Variants in GRIN2A observed in about 807,000 individuals in gnomAD.
GRIN2A encodes glutamate receptor ionotropic, NMDA 2A.
A neutral mutation model predicts 113.4 loss-of-function variants in GRIN2A; 22 were observed. That is an observed-to-expected ratio of 0.19 (90% CI 0.14 to 0.28). The LOEUF (loss-of-function observed/expected upper bound fraction) is 0.28, where lower values mean the gene tolerates loss of function less well. Among genes scored for constraint, GRIN2A ranks in the 10% least tolerant of loss-of-function variants. The probability of loss-of-function intolerance (pLI) is 1.00; values close to 1 mark genes in which losing one functional copy is unlikely to be tolerated. For missense variants in GRIN2A, 1,502 were observed against 1,887.0 expected (o/e 0.80, Z 3.78); for synonymous variants, 827 against 738.4 (o/e 1.12, Z -1.94).
Position 10,036,460 on chromosome 16 carries a change from T to C in GRIN2A, c.415-97909A>G, listed in dbSNP as rs1209410651. 7.0e-3 allele frequency among the ~76,000 whole-genome samples: 478 copies of C among 68,016 alleles called. 12 individuals are homozygous for C. Among genetic ancestry groups the C allele is most frequent in the African/African-American group, 0.027 (449 of 16,676 alleles). 44.6% of individuals were successfully genotyped at this position (68,016 alleles called of 152,430 possible). A position where few individuals can be genotyped will look rare whatever the true frequency, so the allele number is the denominator to read the frequency against. On this transcript the variant is annotated intron_variant, in intron 2 of 12. Transcript: ENST00000330684. ...TACTTTTTTTTTTTCTTTTTTTTTT[T>C]TTTTTTTTTTTTTTTTGAGATGGAT...
At chr16:10,071,695 A>G (rs1441959545) in intron 2 of GRIN2A, among the ~76,000 whole-genome samples, 1 of 152,102 alleles carries the variant, frequency 6.6e-6, no homozygotes, top group Non-Finnish European at 1.5e-5. Context: ...TACTCTTGAG[A>G]GCATTTTGGG....
intron 3 of GRIN2A, among the ~76,000 whole-genome samples, chr16:9,901,862 G>C (rs2043933225): frequency 6.6e-6 from 1 of 152,180 alleles, no homozygotes; most frequent in African/African-American, 2.4e-5. Context: ...TTCAAATCAG[G>C]AGACCTAGAA....
intron 2 of GRIN2A, among the ~76,000 whole-genome samples, chr16:10,115,838 T>C (rs1368317268): frequency 6.6e-6 from 1 of 152,164 alleles, no homozygotes; most frequent in African/African-American, 2.4e-5. Flanking sequence ...GTTTTAAGAA[T>C]GACCAGAAAT....
chr16:10,169,404 G>C (rs1596574609), intron 2 of GRIN2A, among the ~76,000 whole-genome samples: 1 of 152,178 alleles, frequency 6.6e-6, no homozygotes, highest in Non-Finnish European at 1.5e-5. Context: ...TCTCAGAGAG[G>C]AATCCTGGAT....
chr16:10,180,232 C>T lies in GRIN2A; in HGVS notation c.180G>A (p.Ala60=), dbSNP rs2050235807. Residue 60 remains alanine (A), a synonymous_variant, in exon 2 of 13, where the codon GCG becomes GCA. Transcript: ENST00000330684. This position sits in a 1 kb window ranked among gnomAD's most constrained non-coding sequence, Gnocchi z 7.0. The part of the protein sequence containing the change: ...ELRTLWGPEQ[A]AGLPLDVNVV... ...CGTTCACGTCCAGGGGCAGCCCCGCCGCCTGCTCGGGGCCCCACAGTGTTC... is the reference window on the plus strand; with the variant it reads ...CGTTCACGTCCAGGGGCAGCCCCGCTGCCTGCTCGGGGCCCCACAGTGTTC... The T allele has an allele frequency of 6.2e-7, 1 of 1,614,074 alleles. No homozygotes were observed. Among genetic ancestry groups the T allele is most frequent in the Non-Finnish European group, 8.5e-7 (1 of 1,180,024 alleles).
At chr16:9,867,076 T>G (rs1267726311) in intron 4 of GRIN2A, among the ~76,000 whole-genome samples, 1 of 152,136 alleles carries the variant, frequency 6.6e-6, no homozygotes, top group Non-Finnish European at 1.5e-5. Flanking sequence ...ATCCATAACA[T>G]TAACAGATTT....
chr16:9,917,111 G>A (rs756875773), intron 3 of GRIN2A, among the ~76,000 whole-genome samples: 8 of 152,100 alleles, frequency 5.3e-5, no homozygotes, highest in Non-Finnish European at 7.4e-5. Context: ...ACTTTTCTCC[G>A]GCTCTTTTCA....
chr16:9,920,266 A>G (rs2044334079), intron 3 of GRIN2A, among the ~76,000 whole-genome samples: 1 of 152,242 alleles, frequency 6.6e-6, no homozygotes, highest in African/African-American at 2.4e-5. Context: ...AACGAATGAA[A>G]GAATTCCAGG....
At chr16:10,091,844 C>A (rs1231404386) in intron 2 of GRIN2A, among the ~76,000 whole-genome samples, 1 of 152,126 alleles carries the variant, frequency 6.6e-6, no homozygotes, top group African/African-American at 2.4e-5. Flanking sequence ...GAAAGTGGAT[C>A]AGTGCTTGCT....
intron 2 of GRIN2A, among the ~76,000 whole-genome samples, chr16:10,027,248 C>T (rs898097138): frequency 2.0e-5 from 3 of 152,150 alleles, no homozygotes; most frequent in African/African-American, 7.2e-5. Context: ...AAAGGAGTTG[C>T]CCATATTACA....
chr16:9,851,618 G>T (rs1202604875), intron 4 of GRIN2A, among the ~76,000 whole-genome samples: 1 of 152,090 alleles, frequency 6.6e-6, no homozygotes, highest in Non-Finnish European at 1.5e-5. Flanking sequence ...CTTTCCATTT[G>T]CCTTGGAAGA....
At chr16:9,802,571 T>TAAGA (rs1903428607) in intron 10 of GRIN2A, among the ~76,000 whole-genome samples, 1 of 152,176 alleles carries the variant, frequency 6.6e-6, no homozygotes, top group Admixed American at 6.5e-5. Flanking sequence ...CACTGAGGCC[T>TAAGA]CACAACTGTC....
At chr16:10,044,442 T>G (rs2047224953) in intron 2 of GRIN2A, among the ~76,000 whole-genome samples, 1 of 151,928 alleles carries the variant, frequency 6.6e-6, no homozygotes, top group African/African-American at 2.4e-5. Context: ...TGCTTTTTCT[T>G]TCCTCTGTTG....
intron 2 of GRIN2A, among the ~76,000 whole-genome samples, chr16:10,096,539 A>AACACACACACACACACACACACACAC (rs59351819): frequency 2.2e-4 from 30 of 137,664 alleles, no homozygotes; most frequent in Non-Finnish European, 3.3e-4. Context: ...ATTGTGGTAA[A>AACACACACACACACACACACACACAC]ACACACACAC....
rs916704364 is a variant in GRIN2A, at chr16:9,924,703, G to T, written c.1007+13256C>A. ...ATTAAAATCCTCAGTCGTGCTCAAT[G>T]CATAGTTCAATTGTGTTTTCTCTAA... On this transcript the variant is annotated intron_variant, in intron 3 of 12. Coordinates refer to ENST00000330684, the MANE Select transcript of GRIN2A (RefSeq NM_001134407.3). 4.9e-4 allele frequency among the ~76,000 whole-genome samples: 13 copies of T among 26,658 alleles called. No homozygotes were observed. The African/African-American group carries it at 5.2e-3, about 11-fold the overall frequency. 17.5% of individuals were successfully genotyped at this position (26,658 alleles called of 152,430 possible).
chr16:9,912,419 G>C (rs1346737658), intron 3 of GRIN2A, among the ~76,000 whole-genome samples: 1 of 148,768 alleles, frequency 6.7e-6, no homozygotes, highest in Non-Finnish European at 1.5e-5. Context: ...TCAGAACGTA[G>C]CCCCTGATGA....
Position 9,912,277 on chromosome 16 carries a change from G to T in GRIN2A, c.1008-21177C>A, listed in dbSNP as rs57085415. Among the ~76,000 whole-genome samples the T allele has an allele frequency of 1.1e-3, 167 of 152,190 alleles. 1 individual carries two copies. The East Asian group carries it at 0.024, about 22-fold the overall frequency. On this transcript the variant is annotated intron_variant, in intron 3 of 12. Coordinates refer to ENST00000330684, the MANE Select transcript of GRIN2A (RefSeq NM_001134407.3). The stretch of plus-strand genomic sequence containing the variant: ...TGGTGTGATGTTGATAGCAATGGTG[G>T]TAGTGATTATGGAGATGATGCTATA...
At position 9,753,875 on chromosome 16, in the gene GRIN2A, C is replaced by T. The variant is rs577893273; in HGVS notation, c.*9274G>A. On this transcript the variant is annotated 3_prime_UTR_variant, in exon 13 of 13. Coordinates refer to ENST00000330684, the MANE Select transcript of GRIN2A (RefSeq NM_001134407.3). Reference sequence around the variant, plus strand: ...GGTTTTGGATTCTGTTTGAATGTAGCTGTGAATAGAAACCCTCTGCATATG... The same window carrying T: ...GGTTTTGGATTCTGTTTGAATGTAGTTGTGAATAGAAACCCTCTGCATATG... 1 of 178,730 alleles carries T rather than the reference C, an allele frequency of 5.6e-6. No individual in the cohort carries two copies. Among genetic ancestry groups the T allele is most frequent in the East Asian group, 9.3e-5 (1 of 10,746 alleles). The allele number at this position is 178,730 out of a possible 1,614,324, so 11.1% of individuals were successfully genotyped here.
At chr16:10,103,762 T>C (rs960351299) in intron 2 of GRIN2A, among the ~76,000 whole-genome samples, 5 of 152,208 alleles carry the variant, frequency 3.3e-5, no homozygotes, top group African/African-American at 1.2e-4. Context: ...CACATACTTT[T>C]TGGAGGTAGA....
Sources: allele counts gnomAD v4.1 joint callset (sites outside exome capture counted in the v4.1 genomes callset), GRCh38; gene constraint gnomAD v4.1.1; non-coding constraint Gnocchi (gnomAD v3.1); transcripts MANE v1.5; gene names NCBI Gene and HGNC (gene_info 2026-07-23, HGNC 2026-07-21).